LDLRAP1: variants seen among roughly 807,000 people sequenced by gnomAD.
LDLRAP1 encodes the protein low density lipoprotein receptor adaptor protein 1, also known as low density lipoprotein receptor adapter protein 1.
LDLRAP1 carries 30 observed loss-of-function variants against 37.8 expected under a neutral mutation model. That is an observed-to-expected ratio of 0.79 (90% CI 0.59 to 1.08). The LOEUF (loss-of-function observed/expected upper bound fraction) is 1.08, where lower values mean the gene tolerates loss of function less well. LDLRAP1 is among the 50% of genes least tolerant of loss of function. LDLRAP1 has a pLI of 0.00. For missense variants in LDLRAP1, 375 were observed against 401.6 expected (o/e 0.93, Z 0.57); for synonymous variants, 156 against 169.8 (o/e 0.92, Z 0.63).
Position 25,554,041 on chromosome 1 carries a change from G to C in LDLRAP1, c.208G>C (p.Ala70Pro), listed in dbSNP as rs776857764. 1 of 1,614,016 alleles carries C rather than the reference G, an allele frequency of 6.2e-7. No individual in the cohort carries two copies. Among genetic ancestry groups the C allele is most frequent in the South Asian group, 1.1e-5 (1 of 91,086 alleles). Reference protein sequence around the residue: ...QPKGEELSAAAIKRIVATAKA... With the variant: ...QPKGEELSAAPIKRIVATAKA... ...CAAGGGTGAGGAGCTGTCGGCCGCC[G>C]CCATCAAGAGGATCGTGGCTACAGT... The change falls in exon 2 of 9, where the codon GCC (alanine) becomes CCC (proline). Residue 70 changes from alanine (A) to proline (P), a missense_variant. Transcript: ENST00000374338. The surrounding 1 kb of genome is among the most constrained non-coding windows in gnomAD (Gnocchi z 5.4).
intron 4 of LDLRAP1, 129 bp from the exon 5 acceptor site, chr1:25,562,514 TG>T (rs1167465248): frequency 6.6e-5 from 50 of 763,032 alleles, no homozygotes; most frequent in Non-Finnish European, 9.8e-5. Flanking sequence ...TTCCAGAGCC[TG>T]GGATGGAGCT....
chr1:25,588,645 A>G, the LDLRAP1 span, among the ~76,000 whole-genome samples: 1 of 152,118 alleles, frequency 6.6e-6, no homozygotes, highest in Non-Finnish European at 1.5e-5. Flanking sequence ...ATGATCAGTA[A>G]ATACTAAGGG....
chr1:25,581,496 C>A, the LDLRAP1 span: 3 of 152,206 alleles, frequency 2.0e-5, no homozygotes, highest in African/African-American at 7.2e-5. Flanking sequence ...TCTGACACAT[C>A]GGGAGCTCCT....
the LDLRAP1 span, among the ~76,000 whole-genome samples, chr1:25,580,161 G>A: frequency 6.6e-6 from 1 of 152,182 alleles, no homozygotes; most frequent in African/African-American, 2.4e-5. Flanking sequence ...GTTCTCCGCA[G>A]ATTCAGGGTA....
intron 1 of LDLRAP1, among the ~76,000 whole-genome samples, chr1:25,550,493 T>C (rs1418901741): frequency 6.6e-6 from 1 of 152,102 alleles, no homozygotes; most frequent in Non-Finnish European, 1.5e-5. Flanking sequence ...GGCAAAGAAG[T>C]TAGACAGTAA....
At chr1:25,586,029 G>A in the LDLRAP1 span, among the ~76,000 whole-genome samples, 2 of 152,316 alleles carry the variant, frequency 1.3e-5, no homozygotes, top group East Asian at 3.9e-4. This position sits in a 1 kb window ranked among gnomAD's most constrained non-coding sequence, Gnocchi z 4.3. Flanking sequence ...CCAGAGAAGG[G>A]AAGCAAGACA....
chr1:25,575,579 A>G, the LDLRAP1 span, among the ~76,000 whole-genome samples: 1 of 152,146 alleles, frequency 6.6e-6, no homozygotes, highest in Non-Finnish European at 1.5e-5. Flanking sequence ...TCGGCCACAG[A>G]ATGAGACCCT....
At chr1:25,556,348 C>T (rs2044199264) in intron 3 of LDLRAP1, among the ~76,000 whole-genome samples, 1 of 152,122 alleles carries the variant, frequency 6.6e-6, no homozygotes, top group African/African-American at 2.4e-5. Context: ...CCCTAGGTTA[C>T]AGGTGCGACT....
At chr1:25,549,741 C>T (rs1307632851) in intron 1 of LDLRAP1, among the ~76,000 whole-genome samples, 1 of 144,838 alleles carries the variant, frequency 6.9e-6, no homozygotes, top group Non-Finnish European at 1.5e-5. Flanking sequence ...CTGTGGCTGG[C>T]GAGTAGGGCG....
chr1:25,554,037 C>T lies in LDLRAP1; in HGVS notation c.204C>T (p.Ala68=), dbSNP rs780817623. 1.9e-5 allele frequency: 31 copies of T among 1,614,056 alleles called. No homozygotes were observed. Among genetic ancestry groups the T allele is most frequent in the South Asian group, 5.5e-5 (5 of 91,088 alleles). Residue 68 remains alanine, a synonymous_variant, in exon 2 of 9, where the codon GCC becomes GCT. Coordinates refer to ENST00000374338, the MANE Select transcript of LDLRAP1 (RefSeq NM_015627.3). This position sits in a 1 kb window ranked among gnomAD's most constrained non-coding sequence, Gnocchi z 5.4. The part of the protein sequence containing the change: ...VEQPKGEELS[A]AAIKRIVATA... ...AGCCCAAGGGTGAGGAGCTGTCGGC[C>T]GCCGCCATCAAGAGGATCGTGGCTA... is the stretch of plus-strand genomic sequence containing the variant.
chr1:25,563,003 C>A, intron 5 of LDLRAP1, 67 bp from the exon 6 acceptor site: 1 of 1,464,786 alleles, frequency 6.8e-7, no homozygotes, highest in Non-Finnish European at 9.6e-7. Context: ...ATCACCCCTG[C>A]CCGGTGATTG....
At chr1:25,553,515 C>T (rs1572032546) in intron 1 of LDLRAP1, 1 of 237,056 alleles carries the variant, frequency 4.2e-6, no homozygotes, top group East Asian at 1.0e-4. Flanking sequence ...AAGCTGCTTA[C>T]ATGGAGCCTT....
the LDLRAP1 span, chr1:25,581,383 T>A: frequency 6.6e-6 from 1 of 152,190 alleles, no homozygotes; most frequent in Non-Finnish European, 1.5e-5. Context: ...AGGAGACTCC[T>A]GTGATGGTTC....
chr1:25,553,431 TTGTC>T (rs1214467852), intron 1 of LDLRAP1: 3 of 160,144 alleles, frequency 1.9e-5, no homozygotes, highest in Admixed American at 5.9e-5. Context: ...CTCCGTGTCT[TTGTC>T]TGTCAATGGG....
intron 1 of LDLRAP1, among the ~76,000 whole-genome samples, chr1:25,551,103 G>A (rs1557697722): frequency 6.6e-6 from 1 of 152,120 alleles, no homozygotes; most frequent in Non-Finnish European, 1.5e-5. Flanking sequence ...GCTTGCCTGG[G>A]GCCTTGTGCT....
chr1:25,557,410 G>A (rs2044232004), intron 4 of LDLRAP1, 143 bp downstream of exon 4: 1 of 687,516 alleles, frequency 1.5e-6, no homozygotes, highest in East Asian at 2.7e-5. Flanking sequence ...AACCCCAAGT[G>A]GGTGCCGAGA....
intron 1 of LDLRAP1, 70 bp downstream of exon 1, chr1:25,543,856 C>T (rs1009949917): frequency 9.8e-6 from 10 of 1,022,946 alleles, no homozygotes; most frequent in Non-Finnish European, 1.2e-5. Flanking sequence ...CGCGGGCGCC[C>T]GGAGTGCGGC....
At chr1:25,574,237 G>T in the LDLRAP1 span, among the ~76,000 whole-genome samples, 2 of 152,216 alleles carry the variant, frequency 1.3e-5, no homozygotes, top group Non-Finnish European at 2.9e-5. Context: ...TGGGAAATGG[G>T]CTCAGAGCAG....
chr1:25,571,188 T>A (rs1435412837), downstream of LDLRAP1, among the ~76,000 whole-genome samples: 1 of 152,200 alleles, frequency 6.6e-6, no homozygotes, highest in African/African-American at 2.4e-5. Flanking sequence ...CGGAAGACAC[T>A]GGAAGCTGCT....
Sources: allele counts gnomAD v4.1 joint callset (sites outside exome capture counted in the v4.1 genomes callset), GRCh38; gene constraint gnomAD v4.1.1; non-coding constraint Gnocchi (gnomAD v3.1); transcripts MANE v1.5; gene names NCBI Gene and HGNC (gene_info 2026-07-23, HGNC 2026-07-21).